Variants in CHRNE observed in about 807,000 individuals in gnomAD.
CHRNE encodes the protein cholinergic receptor nicotinic epsilon subunit, also known as acetylcholine receptor subunit epsilon.
Under a neutral mutation model 56.5 loss-of-function variants are expected in CHRNE, and 58 were observed. That is an observed-to-expected ratio of 1.03 (90% CI 0.83 to 1.28). The LOEUF (loss-of-function observed/expected upper bound fraction) is 1.28. Ranked by LOEUF, CHRNE falls within the 50% of genes most tolerant of loss-of-function variation. The pLI, the probability that CHRNE is intolerant of heterozygous loss-of-function variation, is 0.00. For missense variants in CHRNE, 793 were observed against 688.9 expected, an observed-to-expected ratio of 1.15 and a Z score of -1.69; for synonymous variants, 385 against 297.9, an observed-to-expected ratio of 1.29 and a Z score of -3.01.
intron 5 of CHRNE, 107 bp from the exon 6 acceptor site, chr17:4,901,732 C>A (rs1054047383): frequency 7.8e-7 from 1 of 1,289,390 alleles, no homozygotes. Context: ...CCCAAGCCCA[C>A]CCCTTCACCC....
upstream of CHRNE, among the ~76,000 whole-genome samples, chr17:4,907,406 TA>T (rs1196672280): frequency 5.2e-4 from 74 of 142,382 alleles, no homozygotes; most frequent in Middle Eastern, 3.7e-3. Flanking sequence ...TACTAAAAAT[TA>T]AAAAAAAAAA....
chr17:4,904,406 AG>A (rs1165516690), upstream of CHRNE, among the ~76,000 whole-genome samples: 1 of 152,084 alleles, frequency 6.6e-6, no homozygotes, highest in African/African-American at 2.4e-5. Flanking sequence ...AATCACCTGG[AG>A]GGGTGCTTAT....
In CHRNE at chr17:4,898,708, A is replaced by G. The variant is rs1567635214; in HGVS notation, c.*28T>C. ...TTTCAAAATCAATTTCCTACTGGAG[A>G]TGGGTGGGAAATTGAAGTCGGTGCG... On this transcript the variant is annotated 3_prime_UTR_variant, in exon 12 of 12. Coordinates refer to ENST00000649488, the MANE Select transcript of CHRNE (RefSeq NM_000080.4). 8 of 1,602,464 alleles carry G rather than the reference A, an allele frequency of 5.0e-6. No individual in the cohort carries two copies. The highest frequency in any genetic ancestry group is 6.8e-6 in the Non-Finnish European group (8 of 1,175,278).
Position 4,898,497 on chromosome 17 carries a change from T to TC in CHRNE, c.*238dup, listed in dbSNP as rs1969803280. ...GTCAGCAAGGCTGAATGAAGGGCAG[T>TC]CCTTGCTTTCTGGAAGACTGGCACC... On this transcript the variant is annotated 3_prime_UTR_variant, in exon 12 of 12. Coordinates refer to ENST00000649488, the MANE Select transcript of CHRNE (RefSeq NM_000080.4). 1.7e-6 allele frequency: 1 copy of TC among 587,020 alleles called. No individual in the cohort carries two copies. Among genetic ancestry groups the TC allele is most frequent in the South Asian group, 2.0e-5 (1 of 51,014 alleles). 36.4% of individuals were successfully genotyped at this position (587,020 alleles called of 1,614,324 possible). A position where few individuals can be genotyped will look rare whatever the true frequency, so the allele number is the denominator to read the frequency against.
At chr17:4,900,469 C>A in intron 8 of CHRNE, 1 of 1,551,122 alleles carries the variant, frequency 6.4e-7, no homozygotes, top group Non-Finnish European at 8.7e-7. Flanking sequence ...CTGCGACAGT[C>A]GCAACAGCAG....
chr17:4,904,829 T>G (rs1003252941), upstream of CHRNE, among the ~76,000 whole-genome samples: 6 of 152,038 alleles, frequency 3.9e-5, no homozygotes, highest in Admixed American at 1.3e-4. Context: ...AATAACAGAG[T>G]GTCCTCCTAG....
In CHRNE at chr17:4,902,836, C is replaced by T. The variant is rs1356507311; in HGVS notation, c.47-73G>A. On this transcript the variant is annotated intron_variant, in intron 1 of 11. Coordinates refer to ENST00000649488, the MANE Select transcript of CHRNE (RefSeq NM_000080.4). This position sits in a 1 kb window ranked among gnomAD's most constrained non-coding sequence, Gnocchi z 4.0. ...AGCACCTCTCTCCCCTCTGCCTCCC[C>T]TGGGTCCTCACAGGCCTCTGAGGCT... 5 of 1,609,466 alleles carry T rather than the reference C, an allele frequency of 3.1e-6. No individual in the cohort carries two copies. Among genetic ancestry groups the T allele is most frequent in the Non-Finnish European group, 4.2e-6 (5 of 1,176,478 alleles).
chr17:4,903,330 TCTC>T (rs149053270), upstream of CHRNE, among the ~76,000 whole-genome samples: 1,552 of 152,178 alleles, frequency 0.01, 33 homozygotes, highest in African/African-American at 0.035. Flanking sequence ...GATGTGGGCG[TCTC>T]CTGAGAGGCA....
In CHRNE at chr17:4,899,453, C is replaced by T. The variant is rs1274342974; in HGVS notation, c.1032+15G>A. ...CCCACCCCGACCCGGGCTGCACCGC[C>T]CCCTCCGCGCTTACGTGGCGCAGCC... is the stretch of plus-strand genomic sequence containing the variant. On this transcript the variant is annotated intron_variant, in intron 9 of 11. Transcript: ENST00000649488. 3 of 1,571,664 alleles carry T rather than the reference C, an allele frequency of 1.9e-6. No individual in the cohort carries two copies. The East Asian group carries it at 7.0e-5, about 37-fold the overall frequency.
intron 6 of CHRNE, 92 bp from the exon 7 acceptor site, chr17:4,901,282 C>T (rs1032496823): frequency 6.3e-6 from 9 of 1,430,166 alleles, no homozygotes; most frequent in Non-Finnish European, 8.7e-6. Flanking sequence ...CTGTCTGCAC[C>T]AGGGTCATGG....
chr17:4,901,315 C>A, intron 6 of CHRNE, 125 bp from the exon 7 acceptor site: 1 of 1,127,564 alleles, frequency 8.9e-7, no homozygotes, highest in Non-Finnish European at 1.3e-6. Context: ...GGGGCAATTA[C>A]GGACAGAAAA....
At position 4,899,079 on chromosome 17, in the gene CHRNE, G is replaced by A. The variant is rs966410323; in HGVS notation, c.1248C>T (p.Ala416=). ...CCACACAGCAGCGGACCTCGGGGGC[G>A]GCGGCGCCCAGGCTCTGGCAGAAGG... ...TAAFCQSLGA[A]APEVRCCVDA... is the part of the protein sequence containing the mutation. The change falls in exon 11 of 12, where the codon GCC becomes GCT. Residue 416 remains alanine (A), a synonymous_variant. Transcript: ENST00000649488. 1 of 1,611,184 alleles carries A rather than the reference G, an allele frequency of 6.2e-7. No homozygotes were observed. Among genetic ancestry groups the A allele is most frequent in the Non-Finnish European group, 8.5e-7 (1 of 1,179,542 alleles).
At position 4,899,213 on chromosome 17, in the gene CHRNE, G is replaced by C; in HGVS notation, c.1204C>G (p.Gln402Glu). The C allele has an allele frequency of 6.2e-7, 1 of 1,605,888 alleles. No homozygotes were observed. Among genetic ancestry groups the C allele is most frequent in the Non-Finnish European group, 8.5e-7 (1 of 1,178,342 alleles). ...CTGTGCTCACCCGTCCAGGTCCCCTGCCGGTGCCTCTGCCCCTCAAACACG... is the reference window on the plus strand; with the variant it reads ...CTGTGCTCACCCGTCCAGGTCCCCTCCCGGTGCCTCTGCCCCTCAAACACG... ...ELVFEGQRHRQGTWTAAFCQS... is the reference protein window; with the variant it reads ...ELVFEGQRHREGTWTAAFCQS... Residue 402 changes from glutamine (Q) to glutamate (E), a missense_variant, in exon 10 of 12, where the codon CAG becomes GAG. Coordinates refer to ENST00000649488, the MANE Select transcript of CHRNE (RefSeq NM_000080.4).
At chr17:4,901,269 C>CG in intron 6 of CHRNE, 79 bp from the exon 7 acceptor site, 1 of 1,493,056 alleles carries the variant, frequency 6.7e-7, no homozygotes, top group Non-Finnish European at 9.1e-7. Context: ...GAGGAGGCTG[C>CG]GGCTGTCTGC....
intron 5 of CHRNE, 44 bp downstream of exon 5, chr17:4,901,888 C>T (rs772147163): frequency 3.1e-6 from 5 of 1,597,828 alleles, no homozygotes; most frequent in Admixed American, 1.7e-5. Flanking sequence ...CATAAGGCCC[C>T]CCCCCAACAA....
In CHRNE at chr17:4,900,857, C is replaced by A. The variant is rs1597618794; in HGVS notation, c.853G>T (p.Val285Phe). 6.2e-7 allele frequency: 1 copy of A among 1,614,202 alleles called. No homozygotes were observed. Among genetic ancestry groups the A allele is most frequent in the African/African-American group, 1.3e-5 (1 of 75,074 alleles). The change falls in exon 8 of 12, where the codon GTC (valine) becomes TTC (phenylalanine). Residue 285 changes from valine to phenylalanine, a missense_variant. Coordinates refer to ENST00000649488, the MANE Select transcript of CHRNE (RefSeq NM_000080.4). ...TTCTGGGCAATGAGGAACAAGAAGA[C>A]GGTCTGGGCGAGCAGGACGTTGATG... ...VSINVLLAQT[V>F]FLFLIAQKIP...
At chr17:4,900,526 T>G (rs1418063217) in intron 8 of CHRNE, 2 of 1,549,646 alleles carry the variant, frequency 1.3e-6, no homozygotes, top group Non-Finnish European at 8.7e-7. Context: ...GGACACGGGG[T>G]GAGTTAGGGG....
Position 4,899,246 on chromosome 17 carries a change from T to C in CHRNE, c.1171A>G (p.Ser391Gly). ...AEELILKKPR[S>G]ELVFEGQRHR... ...CTCTGCCCCTCAAACACGAGCTCGC[T>C]CCGTGGCTTTTTCAGTATCAGCTCC... The change falls in exon 10 of 12, where the codon AGC becomes GGC. Residue 391 changes from serine (S) to glycine (G), a missense_variant. Physicochemically the swap from Ser to Gly is moderately conservative, Grantham distance 56 (BLOSUM62 0). Transcript: ENST00000649488. The C allele has an allele frequency of 6.2e-7, 1 of 1,606,440 alleles. No individual in the cohort carries two copies.
Position 4,902,534 on chromosome 17 carries a change from G to C in CHRNE, c.190-40C>G. 6.2e-7 allele frequency: 1 copy of C among 1,614,128 alleles called. No individual in the cohort carries two copies. Among genetic ancestry groups the C allele is most frequent in the Non-Finnish European group, 8.5e-7 (1 of 1,180,008 alleles). On this transcript the variant is annotated intron_variant, in intron 2 of 11. Coordinates refer to ENST00000649488, the MANE Select transcript of CHRNE (RefSeq NM_000080.4). This position sits in a 1 kb window ranked among gnomAD's most constrained non-coding sequence, Gnocchi z 4.0. ...TGGGGATGATTGAAGTGAGATTTCAGGGCCAGAAGTGAGCTTTAGGACAGA... is the reference window on the plus strand; with the variant it reads ...TGGGGATGATTGAAGTGAGATTTCACGGCCAGAAGTGAGCTTTAGGACAGA...
Sources: allele counts gnomAD v4.1 joint callset (sites outside exome capture counted in the v4.1 genomes callset), GRCh38; gene constraint gnomAD v4.1.1; non-coding constraint Gnocchi (gnomAD v3.1); transcripts MANE v1.5; gene names NCBI Gene and HGNC (gene_info 2026-07-23, HGNC 2026-07-21).